CTCF: variants seen among roughly 807,000 people sequenced by gnomAD.
CTCF encodes the protein transcriptional repressor CTCF.
In CTCF, 7 loss-of-function variants were observed where a neutral mutation model predicts 72.3. The observed-to-expected ratio is 0.10, with a 90% CI of 0.06 to 0.18. The LOEUF is 0.18. Ranked by LOEUF, CTCF falls within the 10% of genes least tolerant of loss-of-function variation. CTCF has a pLI of 1.00. For synonymous variants in CTCF, 374 were observed against 315.8 expected (o/e 1.18, Z -1.95); for missense variants, 516 against 949.1 (o/e 0.54, Z 6.00).
chr16:67,636,964 G>A, intron 11 of CTCF, 113 bp downstream of exon 11: 1 of 1,001,020 alleles, frequency 1.0e-6, no homozygotes, highest in Non-Finnish European at 1.4e-6. Flanking sequence ...AACAAGTTAA[G>A]GGCATGTCGA....
At chr16:67,605,247 A>G (rs1045853111) in intron 2 of CTCF, among the ~76,000 whole-genome samples, 1 of 152,218 alleles carries the variant, frequency 6.6e-6, no homozygotes, top group South Asian at 2.1e-4. Flanking sequence ...TGCTGGGATT[A>G]CAGGCGTGAG....
intron 2 of CTCF, among the ~76,000 whole-genome samples, chr16:67,576,185 A>G (rs1268767044): frequency 2.0e-5 from 3 of 151,670 alleles, no homozygotes; most frequent in Non-Finnish European, 4.4e-5. Flanking sequence ...AACCAGCAAA[A>G]TGCTTATGAG....
At chr16:67,588,319 G>A (rs1037180623) in intron 2 of CTCF, among the ~76,000 whole-genome samples, 1 of 152,206 alleles carries the variant, frequency 6.6e-6, no homozygotes, top group Admixed American at 6.5e-5. Context: ...CAAGGTGATA[G>A]ACTTGCTATA....
chr16:67,617,589 G>A (rs1475650474), intron 5 of CTCF, among the ~76,000 whole-genome samples: 1 of 152,214 alleles, frequency 6.6e-6, no homozygotes, highest in Non-Finnish European at 1.5e-5. Flanking sequence ...GGCTGAGGCA[G>A]GAGAATCACT....
intron 2 of CTCF, among the ~76,000 whole-genome samples, chr16:67,602,106 C>A (rs1017236518): frequency 6.6e-6 from 1 of 152,068 alleles, no homozygotes; most frequent in African/African-American, 2.4e-5. Context: ...TCAGGTGATC[C>A]GCCTGCCTCG....
At chr16:67,582,557 G>T (rs1354537704) in intron 2 of CTCF, among the ~76,000 whole-genome samples, 1 of 152,032 alleles carries the variant, frequency 6.6e-6, no homozygotes, top group East Asian at 1.9e-4. Flanking sequence ...GCCGAATATG[G>T]TGGTGGGTGC....
At chr16:67,629,712 CT>C (rs982859305) in intron 10 of CTCF, among the ~76,000 whole-genome samples, 179 bp downstream of exon 10, 2 of 49,968 alleles carry the variant, frequency 4.0e-5, no homozygotes, top group Non-Finnish European at 8.3e-5. Flanking sequence ...GGCATATTTT[CT>C]TTTTTCTTCG....
intron 10 of CTCF, among the ~76,000 whole-genome samples, chr16:67,631,172 G>GTTTTTTTTTTTTTTTTTTTTTTT (rs367618037): frequency 8.2e-6 from 1 of 121,434 alleles, no homozygotes; most frequent in Non-Finnish European, 1.7e-5. Flanking sequence ...TTTGTTTTTT[G>GTTTTTTTTTTTTTTTTTTTTTTT]TTTTTTTTTT....
intron 2 of CTCF, among the ~76,000 whole-genome samples, chr16:67,582,807 CTTG>C (rs1366921387): frequency 6.6e-6 from 1 of 151,542 alleles, no homozygotes; most frequent in East Asian, 1.9e-4. Flanking sequence ...TGGTCCTGTT[CTTG>C]TTTTCTAAGT....
At chr16:67,585,022 T>C (rs1314103888) in intron 2 of CTCF, among the ~76,000 whole-genome samples, 2 of 152,124 alleles carry the variant, frequency 1.3e-5, no homozygotes, top group Non-Finnish European at 2.9e-5. Context: ...TGCTCTTGGG[T>C]GTAGTATGCA....
At chr16:67,569,920 A>G (rs2051391552) in intron 1 of CTCF, among the ~76,000 whole-genome samples, 1 of 152,016 alleles carries the variant, frequency 6.6e-6, no homozygotes, top group Non-Finnish European at 1.5e-5. Context: ...TCCTGACCTC[A>G]GGTGATCCAC....
At chr16:67,633,240 G>A (rs144097054) in intron 10 of CTCF, among the ~76,000 whole-genome samples, 66 of 144,266 alleles carry the variant, frequency 4.6e-4, no homozygotes, top group African/African-American at 1.7e-3. Flanking sequence ...AATGAGTTCC[G>A]TGAGTCCTGT....
chr16:67,592,278 G>T (rs1472656918), intron 2 of CTCF, among the ~76,000 whole-genome samples: 2 of 151,924 alleles, frequency 1.3e-5, no homozygotes, highest in Non-Finnish European at 2.9e-5. Flanking sequence ...TGGGCATAGT[G>T]GTGTACGCCT....
At chr16:67,586,803 G>GT (rs922490481) in intron 2 of CTCF, among the ~76,000 whole-genome samples, 25 of 151,536 alleles carry the variant, frequency 1.6e-4, no homozygotes, top group Non-Finnish European at 2.4e-4. Context: ...GTTGTTTTGG[G>GT]TTTTTTTTGA....
intron 2 of CTCF, among the ~76,000 whole-genome samples, chr16:67,580,889 T>C (rs902986079): frequency 6.6e-6 from 1 of 151,818 alleles, no homozygotes; most frequent in Admixed American, 6.6e-5. Flanking sequence ...GTGCTGGGAT[T>C]ACAGGCGTGA....
intron 2 of CTCF, among the ~76,000 whole-genome samples, chr16:67,606,533 G>A (rs57337864): frequency 0.044 from 6,651 of 151,328 alleles, 485 homozygotes; most frequent in African/African-American, 0.15. Context: ...CCCCTATTTT[G>A]CTCTTGTTTA....
At chr16:67,607,694 G>A (rs944668210) in intron 2 of CTCF, among the ~76,000 whole-genome samples, 2 of 151,936 alleles carry the variant, frequency 1.3e-5, no homozygotes, top group Non-Finnish European at 2.9e-5. Context: ...GGCATTTATT[G>A]AGTACTTACC....
intron 10 of CTCF, among the ~76,000 whole-genome samples, chr16:67,634,277 A>G (rs1597731038): frequency 6.6e-6 from 1 of 152,064 alleles, no homozygotes; most frequent in East Asian, 1.9e-4. Context: ...GAGTGATCTC[A>G]GCTCACTGCA....
intron 1 of CTCF, among the ~76,000 whole-genome samples, chr16:67,570,004 C>T (rs1203993119): frequency 6.6e-6 from 1 of 151,994 alleles, no homozygotes; most frequent in Admixed American, 6.6e-5. Flanking sequence ...CAAACTTAAT[C>T]AGTAAGACCA....
Sources: allele counts gnomAD v4.1 joint callset (sites outside exome capture counted in the v4.1 genomes callset), GRCh38; gene constraint gnomAD v4.1.1; transcripts MANE v1.5; gene names NCBI Gene and HGNC (gene_info 2026-07-23, HGNC 2026-07-21).